EPN2: variants seen among roughly 807,000 people sequenced by gnomAD.
EPN2 encodes the protein epsin-2.
EPN2 carries 34 observed loss-of-function variants against 61.7 expected under a neutral mutation model. The ratio of observed to expected loss-of-function variants is 0.55; its 90% CI spans 0.42 to 0.73. The LOEUF (loss-of-function observed/expected upper bound fraction) is 0.73. Among genes scored for constraint, EPN2 ranks in the 30% least tolerant of loss-of-function variants. EPN2 has a pLI of 0.00. For synonymous variants in EPN2, 349 were observed against 353.6 expected (o/e 0.99, Z 0.15); for missense variants, 714 against 839.2 (o/e 0.85, Z 1.84).
intron 4 of EPN2, among the ~76,000 whole-genome samples, chr17:19,301,201 G>C (rs888067117): frequency 5.9e-5 from 9 of 152,038 alleles, no homozygotes; most frequent in Non-Finnish European, 1.3e-4. Flanking sequence ...GTCTCCCCTG[G>C]TGTGTCTGTG....
chr17:19,246,728 T>G (rs1597967612), intron 1 of EPN2, among the ~76,000 whole-genome samples: 1 of 147,684 alleles, frequency 6.8e-6, no homozygotes, highest in African/African-American at 2.5e-5. Flanking sequence ...TTTGTTTTGT[T>G]TTTTTTTTCC....
At chr17:19,238,913 C>A (rs959071) in intron 1 of EPN2, among the ~76,000 whole-genome samples, 1 of 151,998 alleles carries the variant, frequency 6.6e-6, no homozygotes, top group Non-Finnish European at 1.5e-5. Flanking sequence ...TGTAATATAA[C>A]GAAGATTTGG....
intron 1 of EPN2, among the ~76,000 whole-genome samples, chr17:19,244,457 CAAA>C (rs1210669874): frequency 4.2e-5 from 4 of 95,604 alleles, no homozygotes; most frequent in African/African-American, 3.8e-5. Flanking sequence ...TGACTCTTCT[CAAA>C]AAAAAAAAAA....
intron 5 of EPN2, 129 bp from the exon 6 acceptor site, chr17:19,311,922 TA>T: frequency 2.8e-6 from 2 of 709,096 alleles, no homozygotes; most frequent in Non-Finnish European, 2.5e-6. Context: ...AATTGTGTTT[TA>T]CAAGTAGTTT....
intron 4 of EPN2, among the ~76,000 whole-genome samples, chr17:19,302,846 G>C (rs915406226): frequency 6.6e-6 from 1 of 152,196 alleles, no homozygotes; most frequent in Non-Finnish European, 1.5e-5. Context: ...GCAGAGCCCA[G>C]ATCTGAGCCC....
chr17:19,297,858 A>G (rs2045535807), intron 4 of EPN2, among the ~76,000 whole-genome samples: 1 of 152,080 alleles, frequency 6.6e-6, no homozygotes, highest in African/African-American at 2.4e-5. Flanking sequence ...ATACTTAGTT[A>G]TATTTATTTA....
chr17:19,247,492 C>T (rs1299612360), intron 1 of EPN2, among the ~76,000 whole-genome samples: 2 of 152,136 alleles, frequency 1.3e-5, no homozygotes, highest in Admixed American at 1.3e-4. Context: ...AAACAGTATC[C>T]CTAAGTGGAA....
intron 1 of EPN2, among the ~76,000 whole-genome samples, chr17:19,249,834 G>A (rs1429899629): frequency 3.9e-5 from 6 of 152,308 alleles, no homozygotes; most frequent in South Asian, 2.1e-4. Context: ...TCATGGTGTA[G>A]TTAGAGCTGG....
At position 19,283,570 on chromosome 17, in the gene EPN2, A is replaced by G; in HGVS notation, c.451A>G (p.Lys151Glu). ...TGAGAGGGCCCAGGCTCTCAAAACCAAAGAGCGCATGGCCCAGGTTGCCAC... is the reference window on the plus strand; with the variant it reads ...TGAGAGGGCCCAGGCTCTCAAAACCGAAGAGCGCATGGCCCAGGTTGCCAC... ...KAERAQALKT[K>E]ERMAQVATGM... The change falls in exon 3 of 11, where the codon AAA (lysine) becomes GAA (glutamate). Residue 151 changes from lysine (K) to glutamate (E), a missense_variant. Lys to Glu is a moderately conservative substitution (Grantham distance 56). Around this residue, in one of 2 missense-constraint regions of EPN2, gnomAD observed 304 missense variants for 417.4 expected, o/e 0.73. Coordinates refer to ENST00000314728, the MANE Select transcript of EPN2 (RefSeq NM_014964.5). This position sits in a 1 kb window ranked among gnomAD's most constrained non-coding sequence, Gnocchi z 7.0. The G allele has an allele frequency of 6.2e-7, 1 of 1,614,220 alleles. No homozygotes were observed. Among genetic ancestry groups the G allele is most frequent in the Non-Finnish European group, 8.5e-7 (1 of 1,180,042 alleles).
At chr17:19,303,216 G>T (rs948532647) in intron 4 of EPN2, among the ~76,000 whole-genome samples, 2 of 152,134 alleles carry the variant, frequency 1.3e-5, no homozygotes, top group African/African-American at 4.8e-5. Context: ...ATCTCTTCCT[G>T]GAGAGTCACA....
In EPN2 at chr17:19,285,887, C is replaced by T. The variant is rs1015996644; in HGVS notation, c.766+97C>T. On this transcript the variant is annotated intron_variant, in intron 4 of 10. Coordinates refer to ENST00000314728, the MANE Select transcript of EPN2 (RefSeq NM_014964.5). The surrounding 1 kb of genome is among the most constrained non-coding windows in gnomAD (Gnocchi z 4.5). ...AGTACAGCCAACTCTCTCCCTGTCT[C>T]CTCTGGGCCTGGGGGTTTGGCCTCC... 9.2e-5 allele frequency: 130 copies of T among 1,413,158 alleles called. No individual in the cohort carries two copies. The highest frequency in any genetic ancestry group is 1.1e-4 in the Non-Finnish European group (121 of 1,075,746). 87.5% of individuals were successfully genotyped at this position (1,413,158 alleles called of 1,614,324 possible). A position where few individuals can be genotyped will look rare whatever the true frequency, so the allele number is the denominator to read the frequency against.
At chr17:19,243,804 G>T (rs554710452) in intron 1 of EPN2, among the ~76,000 whole-genome samples, 1 of 152,306 alleles carries the variant, frequency 6.6e-6, no homozygotes, top group East Asian at 1.9e-4. Flanking sequence ...CTCCCAAAGT[G>T]CTGGGATTAC....
rs1381728088 is a variant in EPN2, at chr17:19,334,206, C to T, written c.1878C>T (p.Pro626=). 2.0e-6 allele frequency: 3 copies of T among 1,534,320 alleles called. No individual in the cohort carries two copies. The highest frequency in any genetic ancestry group is 2.5e-5 in the South Asian group (2 of 80,404). Reference sequence around the variant, plus strand: ...ACATGGTGGGCAGTGTGGGTATACCCCCATCAGCAGCCCAGGCCACTGGCA... The same window carrying T: ...ACATGGTGGGCAGTGTGGGTATACCTCCATCAGCAGCCCAGGCCACTGGCA... ...MMNMVGSVGI[P]PSAAQATGTT... is the part of the protein sequence containing the mutation. The change falls in exon 11 of 11, where the codon CCC becomes CCT. Residue 626 remains proline, a synonymous_variant. Transcript: ENST00000314728. The surrounding 1 kb of genome is among the most constrained non-coding windows in gnomAD (Gnocchi z 4.9).
intron 4 of EPN2, among the ~76,000 whole-genome samples, chr17:19,297,577 G>T (rs755446151): frequency 6.6e-5 from 10 of 152,234 alleles, no homozygotes; most frequent in Non-Finnish European, 1.2e-4. Flanking sequence ...TACCGACACC[G>T]TGTGGTGCTG....
rs1360040876 is a variant in EPN2 at position 19,283,998 on chromosome 17, C to G, written c.595+284C>G. 6.6e-6 allele frequency among the ~76,000 whole-genome samples: 1 copy of G among 152,158 alleles called. No homozygotes were observed. The highest frequency in any genetic ancestry group is 1.9e-4 in the East Asian group (1 of 5,194). On this transcript the variant is annotated intron_variant, in intron 3 of 10. Coordinates refer to ENST00000314728, the MANE Select transcript of EPN2 (RefSeq NM_014964.5). The surrounding 1 kb of genome is among the most constrained non-coding windows in gnomAD (Gnocchi z 7.0). ...GGGCAGACGGTGGGCAGAGGCAGGTCTTTTCTGCTTCCTTGTCAGAATGGG... is the reference window on the plus strand; with the variant it reads ...GGGCAGACGGTGGGCAGAGGCAGGTGTTTTCTGCTTCCTTGTCAGAATGGG...
chr17:19,260,499 C>T (rs944194805), intron 1 of EPN2, among the ~76,000 whole-genome samples: 6 of 152,082 alleles, frequency 3.9e-5, no homozygotes, highest in South Asian at 2.1e-4. Context: ...GGGTTGGTGG[C>T]GGAAGGACAC....
At chr17:19,331,825 C>T in intron 9 of EPN2, 28 bp from the exon 10 acceptor site, 1 of 1,593,016 alleles carries the variant, frequency 6.3e-7, no homozygotes, top group Non-Finnish European at 8.6e-7. Flanking sequence ...GCCACACTCA[C>T]CCTGCCATAT....
chr17:19,301,352 T>C (rs983582219), intron 4 of EPN2, among the ~76,000 whole-genome samples: 2 of 152,208 alleles, frequency 1.3e-5, no homozygotes. Context: ...TTCTTCATCC[T>C]ACTTTACGGG....
At chr17:19,312,329 A>G (rs1906181435) in intron 6 of EPN2, among the ~76,000 whole-genome samples, 185 bp downstream of exon 6, 1 of 152,230 alleles carries the variant, frequency 6.6e-6, no homozygotes, top group Admixed American at 6.5e-5. Context: ...TGAACTAACC[A>G]GGAGACACTT....
Sources: gnomAD v4.1 joint callset for allele counts (sites outside exome capture counted in the v4.1 genomes callset) on GRCh38, gnomAD v4.1.1 for gene constraint, gnomAD v4.1.1 regional missense constraint, Gnocchi (gnomAD v3.1) non-coding constraint, MANE v1.5 for transcripts, NCBI Gene and HGNC (gene_info 2026-07-23, HGNC 2026-07-21) for gene names.